LRRC69: variants seen among roughly 807,000 people sequenced by gnomAD.
The protein encoded by LRRC69 is leucine rich repeat containing 69.
A neutral mutation model predicts 37.8 loss-of-function variants in LRRC69; 42 were observed. The observed-to-expected ratio is 1.11, with a 90% CI of 0.87 to 1.44. The LOEUF is 1.44. Among genes scored for constraint, LRRC69 ranks in the 40% most tolerant of loss-of-function variants. LRRC69 has a pLI of 0.00. For synonymous variants in LRRC69, 141 were observed against 143.1 expected, an observed-to-expected ratio of 0.99 and a Z score of 0.11; for missense variants, 357 against 401.9, an observed-to-expected ratio of 0.89 and a Z score of 0.96.
In LRRC69 at chr8:91,105,363, C is replaced by G. The variant is rs144161377; in HGVS notation, c.183+2519C>G. 2.0e-3 allele frequency among the ~76,000 whole-genome samples: 302 copies of G among 151,802 alleles called. 5 individuals are homozygous for G. The highest frequency in any genetic ancestry group is 6.8e-3 in the African/African-American group (284 of 41,472). On this transcript the variant is annotated intron_variant, in intron 1 of 7. Transcript: ENST00000448384. Reference sequence around the variant, plus strand: ...TAGATTATCATAGAGTTCAGATATACAGCTCCATCCGTCTCACAGTTGGTA... The same window carrying G: ...TAGATTATCATAGAGTTCAGATATAGAGCTCCATCCGTCTCACAGTTGGTA...
At chr8:91,214,111 CTAGT>C (rs775462104) in intron 7 of LRRC69, among the ~76,000 whole-genome samples, 2 of 151,924 alleles carry the variant, frequency 1.3e-5, no homozygotes, top group Non-Finnish European at 2.9e-5. Flanking sequence ...AGATAAGAGG[CTAGT>C]TAGAGTGGTT....
At chr8:91,150,826 G>C (rs1224526657) in intron 5 of LRRC69, among the ~76,000 whole-genome samples, 1 of 151,944 alleles carries the variant, frequency 6.6e-6, no homozygotes, top group Non-Finnish European at 1.5e-5. Context: ...GAGTGTATGT[G>C]TCGAGGAATT....
intron 7 of LRRC69, among the ~76,000 whole-genome samples, chr8:91,204,294 TAAA>T (rs961851170): frequency 5.9e-5 from 9 of 152,162 alleles, no homozygotes; most frequent in African/African-American, 2.2e-4. Flanking sequence ...AAGTTGAATA[TAAA>T]AAAAGTTGAA....
rs1810020111 is a variant in LRRC69 at position 91,215,174 on chromosome 8, G to T, written c.934-3716G>T. ...TGCAATGTCCCTTTTGCTATGTGAG[G>T]TGACATGCATATTCATGAATTTCAG... On this transcript the variant is annotated intron_variant, in intron 7 of 7. Transcript: ENST00000448384. Among the ~76,000 whole-genome samples, 3 of 152,044 alleles carry T rather than the reference G, an allele frequency of 2.0e-5. No individual in the cohort carries two copies. The South Asian group carries it at 6.2e-4, about 31-fold the overall frequency.
At chr8:91,210,554 CACACACAG>C (rs1255884558) in intron 7 of LRRC69, among the ~76,000 whole-genome samples, 1 of 99,448 alleles carries the variant, frequency 1.0e-5, no homozygotes, top group Non-Finnish European at 2.2e-5. Flanking sequence ...CAGACACACA[CACACACAG>C]ACACACACAC....
intron 6 of LRRC69, among the ~76,000 whole-genome samples, chr8:91,197,196 C>G (rs545139267): frequency 5.3e-5 from 8 of 152,324 alleles, no homozygotes; most frequent in African/African-American, 1.7e-4. Flanking sequence ...GCAGTCCGCC[C>G]ATTCTCAGAT....
chr8:91,104,098 A>G (rs988170935), intron 1 of LRRC69, among the ~76,000 whole-genome samples: 1 of 152,010 alleles, frequency 6.6e-6, no homozygotes, highest in African/African-American at 2.4e-5. Context: ...AGATACAGTT[A>G]TATTAATGTA....
In LRRC69 at chr8:91,158,765, T is replaced by G. The variant is rs1808884508; in HGVS notation, c.651+23026T>G. 2.7e-5 allele frequency: 22 copies of G among 814,444 alleles called. 1 individual carries two copies. In the South Asian group the frequency reaches 3.0e-4, roughly 11 times the overall value. 50.5% of individuals were successfully genotyped at this position (814,444 alleles called of 1,614,324 possible). On this transcript the variant is annotated intron_variant, in intron 5 of 7. Transcript: ENST00000448384. ...CCAAGTCTGGCTGAATGAAATACAT[T>G]GGTGATAAGTGGAAAAAAGAGAAAA...
At chr8:91,197,042 G>T (rs571915896) in intron 6 of LRRC69, among the ~76,000 whole-genome samples, 1 of 151,618 alleles carries the variant, frequency 6.6e-6, no homozygotes, top group South Asian at 2.1e-4. Context: ...CTTTCTGTTT[G>T]TTAGTTTTCC....
intron 5 of LRRC69, among the ~76,000 whole-genome samples, chr8:91,178,574 G>A (rs955011729): frequency 6.6e-6 from 1 of 152,134 alleles, no homozygotes. Context: ...GACAACATTA[G>A]GCTGGTGCTC....
chr8:91,153,746 C>A (rs1808783217), intron 5 of LRRC69, among the ~76,000 whole-genome samples: 1 of 151,812 alleles, frequency 6.6e-6, no homozygotes, highest in Non-Finnish European at 1.5e-5. Flanking sequence ...TACTAAATGC[C>A]CACATAAGAA....
downstream of LRRC69, chr8:91,219,072 A>G: frequency 1.5e-6 from 1 of 681,234 alleles, no homozygotes; most frequent in South Asian, 2.4e-5. Context: ...ATTATGCCCT[A>G]CTTAAGATAC....
intron 5 of LRRC69, among the ~76,000 whole-genome samples, chr8:91,156,650 ATT>A (rs1356212391): frequency 6.6e-6 from 1 of 150,898 alleles, no homozygotes; most frequent in Non-Finnish European, 1.5e-5. Context: ...TAAAAAAAAT[ATT>A]CTTTCTATTT....
intron 5 of LRRC69, among the ~76,000 whole-genome samples, chr8:91,145,933 G>C (rs1808611606): frequency 6.6e-6 from 1 of 151,800 alleles, no homozygotes; most frequent in African/African-American, 2.4e-5. Context: ...TATTATCCTT[G>C]ATGCAATGGT....
At chr8:91,189,957 C>T (rs1044037333) in intron 6 of LRRC69, among the ~76,000 whole-genome samples, 2 of 152,066 alleles carry the variant, frequency 1.3e-5, no homozygotes, top group Admixed American at 1.3e-4. Flanking sequence ...TCTTTCACTC[C>T]CTTTTTACTC....
chr8:91,170,391 G>A (rs1298914594), intron 5 of LRRC69, among the ~76,000 whole-genome samples: 1 of 149,072 alleles, frequency 6.7e-6, no homozygotes, highest in Non-Finnish European at 1.5e-5. Flanking sequence ...TCACAGAATT[G>A]GAAAAAACTA....
At chr8:91,167,777 G>A (rs1221974034) in intron 5 of LRRC69, among the ~76,000 whole-genome samples, 2 of 151,878 alleles carry the variant, frequency 1.3e-5, no homozygotes, top group Non-Finnish European at 2.9e-5. Context: ...GTGCCAGTCA[G>A]CACACCAGTG....
At chr8:91,111,862 A>G (rs1813414900) in intron 1 of LRRC69, among the ~76,000 whole-genome samples, 2 of 151,882 alleles carry the variant, frequency 1.3e-5, no homozygotes, top group African/African-American at 4.8e-5. Flanking sequence ...AAACCTGAAC[A>G]TGTATGTACC....
chr8:91,215,382 A>G (rs868093608), intron 7 of LRRC69, among the ~76,000 whole-genome samples: 10 of 152,162 alleles, frequency 6.6e-5, no homozygotes, highest in African/African-American at 2.4e-4. Context: ...TTAATTTCTC[A>G]AAGTTTAAAA....
Sources: allele counts gnomAD v4.1 joint callset (sites outside exome capture counted in the v4.1 genomes callset), GRCh38; gene constraint gnomAD v4.1.1; transcripts MANE v1.5; gene names NCBI Gene and HGNC (gene_info 2026-07-23, HGNC 2026-07-21).